The following TMEM132D variants were observed in gnomAD, a reference collection of about 807,000 sequenced individuals.
The protein encoded by TMEM132D is mature OL transmembrane protein.
Under a neutral mutation model 62.3 loss-of-function variants are expected in TMEM132D, and 21 were observed. The ratio of observed to expected loss-of-function variants is 0.34; its 90% CI spans 0.24 to 0.49. The LOEUF is 0.49. Among genes scored for constraint, TMEM132D ranks in the 20% least tolerant of loss-of-function variants. The pLI is 0.99. For missense variants in TMEM132D, 1,346 were observed against 1,402.8 expected, an observed-to-expected ratio of 0.96 and a Z score of 0.65; for synonymous variants, 621 against 575.6, an observed-to-expected ratio of 1.08 and a Z score of -1.13.
At position 129,074,865 on chromosome 12, in the gene TMEM132D, T is replaced by A. The variant is rs546202907; in HGVS notation, c.2310A>T (p.Glu770Asp). ...TEGQGTLVKV[E>D]MVISESCQKS... The stretch of plus-strand genomic sequence containing the variant: ...TCTGGCAGGATTCACTAATAACCAT[T>A]TCCACCTTGACCAGGGTGCCTTGTC... Residue 770 changes from glutamate to aspartate, a missense_variant, in exon 9 of 9, where the codon GAA becomes GAT. Physicochemically the swap from Glu to Asp is conservative, Grantham distance 45. Coordinates refer to ENST00000422113, the MANE Select transcript of TMEM132D (RefSeq NM_133448.3). 2 of 1,614,036 alleles carry A rather than the reference T, an allele frequency of 1.2e-6. No homozygotes were observed. The highest frequency in any genetic ancestry group is 2.7e-5 in the African/African-American group (2 of 74,986).
At chr12:129,509,637 C>T (rs988105755) in intron 3 of TMEM132D, among the ~76,000 whole-genome samples, 1 of 152,112 alleles carries the variant, frequency 6.6e-6, no homozygotes, top group Non-Finnish European at 1.5e-5. Context: ...CTACCTTTCC[C>T]AGCCTCTGGT....
chr12:129,803,267 G>A (rs10773709), intron 1 of TMEM132D, among the ~76,000 whole-genome samples: 132,359 of 143,366 alleles, frequency 0.92, 61,788 homozygotes, highest in Non-Finnish European at 0.99. Flanking sequence ...CACCTATTCC[G>A]AAATTGACCA....
In TMEM132D at chr12:129,842,707, G is replaced by A. The variant is rs374712862; in HGVS notation, c.79+60554C>T. On this transcript the variant is annotated intron_variant, in intron 1 of 8. Transcript: ENST00000422113. Reference sequence around the variant, plus strand: ...GGGTCTAGAACTCCTGGGCTCAAGCGATCCTCCAGCCTTGACCTCCCAAAG... The same window carrying A: ...GGGTCTAGAACTCCTGGGCTCAAGCAATCCTCCAGCCTTGACCTCCCAAAG... Among the ~76,000 whole-genome samples the A allele has an allele frequency of 7.2e-5, 11 of 152,182 alleles. No homozygotes were observed. The South Asian group carries it at 2.1e-3, about 29-fold the overall frequency.
At chr12:129,209,390 C>T in intron 5 of TMEM132D, 130 bp downstream of exon 5, 2 of 1,156,442 alleles carry the variant, frequency 1.7e-6, no homozygotes, top group Admixed American at 2.7e-5. Flanking sequence ...GGCAGGATAA[C>T]CAGAATGGGA....
chr12:129,396,072 GTATC>G (rs1566055986), intron 3 of TMEM132D, among the ~76,000 whole-genome samples: 1 of 148,460 alleles, frequency 6.7e-6, no homozygotes, highest in Non-Finnish European at 1.5e-5. Flanking sequence ...TATATATTAT[GTATC>G]TATTATATCT....
At chr12:129,447,604 G>GA (rs965858776) in intron 3 of TMEM132D, among the ~76,000 whole-genome samples, 4 of 152,028 alleles carry the variant, frequency 2.6e-5, no homozygotes, top group African/African-American at 4.8e-5. Flanking sequence ...AGAATGATGG[G>GA]AAAAAAAGCT....
At chr12:129,262,941 C>T (rs973915411) in intron 4 of TMEM132D, 1 of 152,300 alleles carries the variant, frequency 6.6e-6, no homozygotes, top group Non-Finnish European at 1.5e-5. Context: ...TCAACGGCAC[C>T]CTTGGTCTCT....
At chr12:129,324,454 A>C (rs765105233) in intron 4 of TMEM132D, among the ~76,000 whole-genome samples, 5 of 152,230 alleles carry the variant, frequency 3.3e-5, no homozygotes, top group Non-Finnish European at 5.9e-5. Context: ...ACTATGTAAA[A>C]TATCATAGAT....
chr12:129,657,185 T>C (rs572358851), intron 2 of TMEM132D, among the ~76,000 whole-genome samples: 2 of 152,336 alleles, frequency 1.3e-5, no homozygotes, highest in East Asian at 1.9e-4. Flanking sequence ...GAGATGCATG[T>C]GTTCACCAGC....
intron 5 of TMEM132D, among the ~76,000 whole-genome samples, chr12:129,149,148 G>T (rs1383325320): frequency 6.7e-6 from 1 of 149,906 alleles, no homozygotes; most frequent in South Asian, 2.1e-4. Context: ...AACACCGCAC[G>T]TTCTCACTCA....
Position 129,371,658 on chromosome 12 carries a change from T to TATGATGGTGTGGATGATG in TMEM132D, c.1116-33859_1116-33842dup, listed in dbSNP as rs1870606921. ...TGATGGTGGTGGTGATGGTGATGGT[T>TATGATGGTGTGGATGATG]ATGATGGTGTGGATGATGATGATGG... On this transcript the variant is annotated intron_variant, in intron 3 of 8. Coordinates refer to ENST00000422113, the MANE Select transcript of TMEM132D (RefSeq NM_133448.3). This position sits in a 1 kb window ranked among gnomAD's most constrained non-coding sequence, Gnocchi z 4.3. 6.6e-6 allele frequency among the ~76,000 whole-genome samples: 1 copy of TATGATGGTGTGGATGATG among 150,946 alleles called. No homozygotes were observed. Among genetic ancestry groups the TATGATGGTGTGGATGATG allele is most frequent in the African/African-American group, 2.4e-5 (1 of 41,016 alleles).
intron 5 of TMEM132D, among the ~76,000 whole-genome samples, chr12:129,172,579 A>G (rs1271517846): frequency 6.6e-6 from 1 of 152,086 alleles, no homozygotes; most frequent in Non-Finnish European, 1.5e-5. Context: ...AATTGGCCTC[A>G]TTTCTTTTTC....
At chr12:129,321,008 T>C (rs934525932) in intron 4 of TMEM132D, among the ~76,000 whole-genome samples, 3 of 149,658 alleles carry the variant, frequency 2.0e-5, no homozygotes, top group Non-Finnish European at 2.9e-5. Flanking sequence ...CTGTCATCTA[T>C]CTCTGTATAC....
At chr12:129,079,099 A>T (rs1874371220) in intron 7 of TMEM132D, among the ~76,000 whole-genome samples, 1 of 152,076 alleles carries the variant, frequency 6.6e-6, no homozygotes, top group Non-Finnish European at 1.5e-5. Flanking sequence ...AAAATTATTT[A>T]TTTTACTTAA....
intron 2 of TMEM132D, among the ~76,000 whole-genome samples, chr12:129,658,379 C>T (rs979696894): frequency 1.3e-5 from 2 of 152,190 alleles, no homozygotes; most frequent in African/African-American, 4.8e-5. Flanking sequence ...GTATTACTTG[C>T]TACAAAACAA....
intron 2 of TMEM132D, among the ~76,000 whole-genome samples, chr12:129,537,559 G>A (rs553497429): frequency 6.6e-6 from 1 of 152,290 alleles, no homozygotes; most frequent in South Asian, 2.1e-4. Flanking sequence ...ACTTGTACAA[G>A]GGAATCTGTT....
chr12:129,305,512 AC>A (rs1465565754), intron 4 of TMEM132D, among the ~76,000 whole-genome samples: 2 of 152,056 alleles, frequency 1.3e-5, no homozygotes, highest in Non-Finnish European at 2.9e-5. Context: ...CCCCCCAAAA[AC>A]CCCACATGAA....
chr12:129,195,600 G>A (rs10847791), intron 5 of TMEM132D, among the ~76,000 whole-genome samples: 50,776 of 151,942 alleles, frequency 0.33, 8,945 homozygotes, highest in East Asian at 0.57. Flanking sequence ...GTTCTAAATA[G>A]TTAAACCAGG....
intron 3 of TMEM132D, among the ~76,000 whole-genome samples, chr12:129,411,468 A>G (rs1027787818): frequency 1.3e-5 from 2 of 152,172 alleles, no homozygotes; most frequent in African/African-American, 4.8e-5. Context: ...TTCCAGGTTC[A>G]AGGGATCTTC....
Sources: allele counts gnomAD v4.1 joint callset (sites outside exome capture counted in the v4.1 genomes callset), GRCh38; gene constraint gnomAD v4.1.1; non-coding constraint Gnocchi (gnomAD v3.1); transcripts MANE v1.5; gene names NCBI Gene and HGNC (gene_info 2026-07-23, HGNC 2026-07-21).